ERBB4: variants seen among roughly 807,000 people sequenced by gnomAD.
ERBB4 encodes erb-b2 receptor tyrosine kinase 4.
Under a neutral mutation model 158.0 loss-of-function variants are expected in ERBB4, and 42 were observed. The ratio of observed to expected loss-of-function variants is 0.27; its 90% CI spans 0.21 to 0.34. The LOEUF is 0.34. ERBB4 is among the 10% of genes least tolerant of loss of function. The pLI is 1.00. For missense variants in ERBB4, 1,333 were observed against 1,624.1 expected (o/e 0.82, Z 3.08); for synonymous variants, 583 against 558.7 (o/e 1.04, Z -0.61).
intron 3 of ERBB4, among the ~76,000 whole-genome samples, chr2:211,843,324 C>A (rs1311666560): frequency 1.3e-5 from 2 of 152,084 alleles, no homozygotes; most frequent in Non-Finnish European, 2.9e-5. Context: ...AAAAGCCAGT[C>A]TAAATAAGAA....
intron 1 of ERBB4, among the ~76,000 whole-genome samples, chr2:212,218,769 G>A (rs2083188729): frequency 6.6e-6 from 1 of 151,282 alleles, no homozygotes; most frequent in South Asian, 2.1e-4. Flanking sequence ...GATTTATCCT[G>A]GTAACCTAGG....
intron 3 of ERBB4, among the ~76,000 whole-genome samples, chr2:211,879,534 C>T (rs1292044919): frequency 6.6e-6 from 1 of 152,220 alleles, no homozygotes; most frequent in Non-Finnish European, 1.5e-5. Flanking sequence ...AACACAGGCA[C>T]TCTCATGTAC....
chr2:211,681,080 T>C (rs1013352733), intron 12 of ERBB4, among the ~76,000 whole-genome samples: 3 of 152,204 alleles, frequency 2.0e-5, no homozygotes, highest in Non-Finnish European at 4.4e-5. Flanking sequence ...TTGCATTTTC[T>C]ATAATTTTTA....
intron 1 of ERBB4, among the ~76,000 whole-genome samples, chr2:212,144,847 T>C (rs181363022): frequency 8.5e-5 from 13 of 152,338 alleles, no homozygotes; most frequent in African/African-American, 2.2e-4. Context: ...GTAGACAGTA[T>C]AATAAAATTA....
chr2:211,745,900 A>G (rs1325587311), intron 5 of ERBB4, among the ~76,000 whole-genome samples: 2 of 152,150 alleles, frequency 1.3e-5, no homozygotes, highest in East Asian at 3.8e-4. Flanking sequence ...CTGTGTTACA[A>G]AATACTGTAT....
intron 2 of ERBB4, among the ~76,000 whole-genome samples, chr2:211,988,228 G>A (rs141072908): frequency 8.0e-4 from 122 of 152,118 alleles, no homozygotes; most frequent in African/African-American, 2.7e-3. Flanking sequence ...GTTATTAAAG[G>A]CACGGTGGTT....
At position 211,955,369 on chromosome 2, in the gene ERBB4, T is replaced by C. The variant is rs184844986; in HGVS notation, c.235-7753A>G. Among the ~76,000 whole-genome samples, 163 of 149,044 alleles carry C rather than the reference T, an allele frequency of 1.1e-3. 1 individual carries two copies. The highest frequency in any genetic ancestry group is 4.0e-3 in the African/African-American group (153 of 38,700). On this transcript the variant is annotated intron_variant, in intron 2 of 27. Coordinates refer to ENST00000342788, the MANE Select transcript of ERBB4 (RefSeq NM_005235.3). ...GCTCACCTCCCTAGAATTAACCATA[T>C]TTTTTTTGTCCTTTATATTTTCCTG...
At chr2:211,650,893 A>G (rs2070956837) in intron 16 of ERBB4, among the ~76,000 whole-genome samples, 2 of 152,278 alleles carry the variant, frequency 1.3e-5, no homozygotes, top group Middle Eastern at 3.4e-3. Flanking sequence ...ACTTTTTACA[A>G]TTACATAGAA....
intron 16 of ERBB4, chr2:211,657,522 A>T (rs2071263035): frequency 6.0e-6 from 3 of 498,850 alleles, no homozygotes; most frequent in African/African-American, 3.9e-5. Context: ...AAAAAAAAAA[A>T]AGAAATCGAT....
At chr2:211,643,914 A>C (rs970870713) in intron 16 of ERBB4, among the ~76,000 whole-genome samples, 4 of 152,050 alleles carry the variant, frequency 2.6e-5, no homozygotes, top group African/African-American at 4.8e-5. Flanking sequence ...TAAAATTCAA[A>C]AGTAGTAAAT....
At position 212,153,651 on chromosome 2, in the gene ERBB4, G is replaced by T. The variant is rs192177292; in HGVS notation, c.83-28748C>A. The stretch of plus-strand genomic sequence containing the variant: ...AATTGCGTTTTTTGTCATTGAAAGT[G>T]ATGGCAAAAACTGCAATTACTTTTG... On this transcript the variant is annotated intron_variant, in intron 1 of 27. Coordinates refer to ENST00000342788, the MANE Select transcript of ERBB4 (RefSeq NM_005235.3). Among the ~76,000 whole-genome samples, 206 of 152,198 alleles carry T rather than the reference G, an allele frequency of 1.4e-3. 2 individuals carry two copies. The highest frequency in any genetic ancestry group is 3.4e-3 in the Middle Eastern group (1 of 294).
intron 1 of ERBB4, among the ~76,000 whole-genome samples, chr2:212,304,018 C>A (rs891790854): frequency 6.6e-6 from 1 of 151,494 alleles, no homozygotes; most frequent in African/African-American, 2.4e-5. Context: ...TTCTTTTATA[C>A]TTATGCTTTG....
intron 5 of ERBB4, among the ~76,000 whole-genome samples, chr2:211,743,177 A>T (rs1210693178): frequency 9.2e-5 from 14 of 152,232 alleles, no homozygotes; most frequent in Non-Finnish European, 1.6e-4. Flanking sequence ...CAATCAGCTT[A>T]TCAGCAAGAA....
At chr2:212,059,894 T>C (rs1322033125) in intron 2 of ERBB4, among the ~76,000 whole-genome samples, 5 of 152,210 alleles carry the variant, frequency 3.3e-5, no homozygotes, top group Admixed American at 2.0e-4. Context: ...AAGCACTTCA[T>C]GTCTAAAACA....
intron 3 of ERBB4, among the ~76,000 whole-genome samples, chr2:211,832,322 T>G (rs2077240135): frequency 6.6e-6 from 1 of 152,102 alleles, no homozygotes; most frequent in African/African-American, 2.4e-5. Context: ...TTTTATATCT[T>G]ACAAATTAAT....
At chr2:211,756,759 T>C (rs1459214229) in intron 4 of ERBB4, among the ~76,000 whole-genome samples, 2 of 152,166 alleles carry the variant, frequency 1.3e-5, no homozygotes, top group African/African-American at 4.8e-5. Context: ...AAAGTATATA[T>C]AAGATAATGG....
rs183059052 is a variant in ERBB4, at chr2:212,313,396, T to C, written c.83-188493A>G. Among the ~76,000 whole-genome samples, 790 of 151,066 alleles carry C rather than the reference T, an allele frequency of 5.2e-3. 4 individuals carry two copies. The highest frequency in any genetic ancestry group is 0.014 in the Middle Eastern group (4 of 290). On this transcript the variant is annotated intron_variant, in intron 1 of 27. Coordinates refer to ENST00000342788, the MANE Select transcript of ERBB4 (RefSeq NM_005235.3). ...GTGACAGCATTTTCATTTACATAAT[T>C]TGATTTTCATATATTTTATATATCT...
In ERBB4 at chr2:211,713,547, T is replaced by C; in HGVS notation, c.985A>G (p.Ile329Val). Residue 329 changes from isoleucine to valine, a missense_variant, in exon 8 of 28, where the codon ATT (isoleucine) becomes GTT (valine). By Grantham distance (29) the Ile-to-Val change is conservative. This residue lies in a region of ERBB4 where 438 missense variants were observed against 586.9 expected (regional missense o/e 0.75). Transcript: ENST00000342788. ...AGCTACCACTCACCTTTTGGGCAAA[T>C]GTCAGTGCAAGGTTTACACATTTTA... Reference protein sequence around the residue: ...GIKMCKPCTDICPKACDGIGT... With the variant: ...GIKMCKPCTDVCPKACDGIGT... 2 of 1,598,526 alleles carry C rather than the reference T, an allele frequency of 1.3e-6. No individual in the cohort carries two copies. The highest frequency in any genetic ancestry group is 1.7e-6 in the Non-Finnish European group (2 of 1,165,990).
intron 2 of ERBB4, among the ~76,000 whole-genome samples, chr2:211,948,855 T>C (rs1287678962): frequency 1.3e-5 from 2 of 152,166 alleles, no homozygotes; most frequent in Admixed American, 6.5e-5. Flanking sequence ...AACATTTATC[T>C]CTATACTTTC....
Sources: gnomAD v4.1 joint callset for allele counts (sites outside exome capture counted in the v4.1 genomes callset) on GRCh38, gnomAD v4.1.1 for gene constraint, gnomAD v4.1.1 regional missense constraint, MANE v1.5 for transcripts, NCBI Gene and HGNC (gene_info 2026-07-23, HGNC 2026-07-21) for gene names.